Variants in ETV3 observed in about 807,000 individuals in gnomAD.
ETV3 encodes ETS variant transcription factor 3.
A neutral mutation model predicts 33.0 loss-of-function variants in ETV3; 8 were observed. That is an observed-to-expected ratio of 0.24 (90% CI 0.14 to 0.44). ETV3 has a LOEUF of 0.44. Ranked by LOEUF, ETV3 falls within the 20% of genes least tolerant of loss-of-function variation. The pLI is 1.00. For synonymous variants in ETV3, 222 were observed against 238.9 expected, an observed-to-expected ratio of 0.93 and a Z score of 0.65; for missense variants, 473 against 652.3, an observed-to-expected ratio of 0.73 and a Z score of 2.99.
intron 3 of ETV3, 25 bp downstream of exon 3, chr1:157,135,439 GTTAACAC>G: frequency 6.2e-7 from 1 of 1,612,240 alleles, no homozygotes; most frequent in Non-Finnish European, 8.5e-7. Context: ...CTTCCAATCT[GTTAACAC>G]AGATTTGGGA....
chr1:157,126,281 G>A (rs896258177), intron 4 of ETV3, among the ~76,000 whole-genome samples: 4 of 152,126 alleles, frequency 2.6e-5, no homozygotes, highest in African/African-American at 7.2e-5. Flanking sequence ...GTTCACAACT[G>A]TACACCTCAC....
chr1:157,134,559 G>A (rs976577323), intron 3 of ETV3, among the ~76,000 whole-genome samples: 1 of 152,216 alleles, frequency 6.6e-6, no homozygotes, highest in African/African-American at 2.4e-5. Flanking sequence ...TGCACTGCAT[G>A]TCACTAACTG....
At chr1:157,128,188 C>G (rs1322248822) in intron 4 of ETV3, among the ~76,000 whole-genome samples, 1 of 152,056 alleles carries the variant, frequency 6.6e-6, no homozygotes, top group East Asian at 1.9e-4. Flanking sequence ...CTGTAGCTTT[C>G]TGGGTGCATG....
intron 1 of ETV3, among the ~76,000 whole-genome samples, chr1:157,137,536 ACACAC>A (rs1675149402): frequency 1.5e-5 from 2 of 137,178 alleles, no homozygotes; most frequent in Admixed American, 1.5e-4. Context: ...ACACACACAC[ACACAC>A]TCTCACACAC....
intron 2 of ETV3, 115 bp from the exon 3 acceptor site, chr1:157,135,823 A>T: frequency 9.5e-7 from 1 of 1,052,138 alleles, no homozygotes; most frequent in Non-Finnish European, 1.4e-6. Context: ...AACATGCTGT[A>T]AGTACTCTCA....
At chr1:157,133,653 C>G in intron 4 of ETV3, 1 of 989,250 alleles carries the variant, frequency 1.0e-6, no homozygotes, top group Non-Finnish European at 1.2e-6. Context: ...GAACCTCCCC[C>G]TTCTCTGATC....
chr1:157,125,022 T>C lies in ETV3; in HGVS notation c.1358A>G (p.Asp453Gly), dbSNP rs1193127184. Residue 453 changes from aspartate (D) to glycine (G), a missense_variant, in exon 5 of 5, where the codon GAT (aspartate) becomes GGT (glycine). Physicochemically the swap from Asp to Gly is moderately conservative, Grantham distance 94. Transcript: ENST00000368192. The surrounding 1 kb of genome is among the most constrained non-coding windows in gnomAD (Gnocchi z 4.0). ...EPLEVTEDSE[D>G]RPGKEPSAPE... is the part of the protein sequence containing the mutation. Reference sequence around the variant, plus strand: ...TGCACTGGGCTCTTTGCCAGGCCTATCCTCACTGTCTTCAGTCACCTCCAG... The same window carrying C: ...TGCACTGGGCTCTTTGCCAGGCCTACCCTCACTGTCTTCAGTCACCTCCAG... 6.4e-7 allele frequency: 1 copy of C among 1,551,606 alleles called. No homozygotes were observed. The highest frequency in any genetic ancestry group is 2.0e-5 in the Admixed American group (1 of 50,978).
At position 157,123,192 on chromosome 1, in the gene ETV3, T is replaced by C. The variant is rs1398012457; in HGVS notation, c.*1649A>G. On this transcript the variant is annotated 3_prime_UTR_variant, in exon 5 of 5. Coordinates refer to ENST00000368192, the MANE Select transcript of ETV3 (RefSeq NM_001145312.3). ...CTCTCATCGGATATGGAGTGATTTC[T>C]TCTCTCGCTGCTGCGACGCAGATCT... The C allele has an allele frequency of 6.6e-6, 1 of 152,292 alleles. No homozygotes were observed. Among genetic ancestry groups the C allele is most frequent in the East Asian group, 1.9e-4 (1 of 5,194 alleles). 9.4% of individuals were successfully genotyped at this position (152,292 alleles called of 1,614,324 possible).
At chr1:157,137,474 G>C (rs890492512) in intron 1 of ETV3, among the ~76,000 whole-genome samples, 1 of 150,988 alleles carries the variant, frequency 6.6e-6, no homozygotes, top group African/African-American at 2.4e-5. Flanking sequence ...CCGAGGACAA[G>C]ATAAACACCC....
chr1:157,124,487 A>G lies in ETV3; in HGVS notation c.*354T>C. ...TTAATGGCTTTCCACATACAAATACAATAGAAAAGAAAGAAGTCTGGAACC... is the reference window on the plus strand; with the variant it reads ...TTAATGGCTTTCCACATACAAATACGATAGAAAAGAAAGAAGTCTGGAACC... On this transcript the variant is annotated 3_prime_UTR_variant, in exon 5 of 5. Transcript: ENST00000368192. 1 of 183,744 alleles carries G rather than the reference A, an allele frequency of 5.4e-6. No homozygotes were observed. Among genetic ancestry groups the G allele is most frequent in the Non-Finnish European group, 1.1e-5 (1 of 88,896 alleles). 11.4% of individuals were successfully genotyped at this position (183,744 alleles called of 1,614,324 possible).
rs1373116752 is a variant in ETV3 at position 157,124,586 on chromosome 1, A to C, written c.*255T>G. 2.7e-6 allele frequency: 1 copy of C among 367,102 alleles called. No homozygotes were observed. The highest frequency in any genetic ancestry group is 2.1e-5 in the African/African-American group (1 of 47,896). 22.7% of individuals were successfully genotyped at this position (367,102 alleles called of 1,614,324 possible). A position where few individuals can be genotyped will look rare whatever the true frequency, so the allele number is the denominator to read the frequency against. ...GTCAGAAAGTATAAGCCTCAACAGGAAATAGAGGCTCCTTCTCCTTTGAGT... is the reference window on the plus strand; with the variant it reads ...GTCAGAAAGTATAAGCCTCAACAGGCAATAGAGGCTCCTTCTCCTTTGAGT... On this transcript the variant is annotated 3_prime_UTR_variant, in exon 5 of 5. Transcript: ENST00000368192.
At chr1:157,132,538 G>A (rs1235650213) in intron 4 of ETV3, among the ~76,000 whole-genome samples, 1 of 152,194 alleles carries the variant, frequency 6.6e-6, no homozygotes, top group Non-Finnish European at 1.5e-5. Flanking sequence ...GGAGTGGGGT[G>A]AAGGGGTATG....
intron 1 of ETV3, among the ~76,000 whole-genome samples, chr1:157,137,259 G>A (rs1017776392): frequency 2.6e-5 from 4 of 152,030 alleles, no homozygotes; most frequent in Non-Finnish European, 5.9e-5. Context: ...ATCTACCCTC[G>A]CTGTTCCCCA....
Position 157,125,755 on chromosome 1 carries a change from C to G in ETV3, c.625G>C (p.Val209Leu). 2 of 1,551,592 alleles carry G rather than the reference C, an allele frequency of 1.3e-6. No homozygotes were observed. Among genetic ancestry groups the G allele is most frequent in the Non-Finnish European group, 1.7e-6 (2 of 1,146,954 alleles). The change falls in exon 5 of 5, where the codon GTG becomes CTG. Residue 209 changes from valine to leucine, a missense_variant. Val to Leu is a conservative substitution (Grantham distance 32). Around this residue, in one of 3 missense-constraint regions of ETV3, gnomAD observed 410 missense variants for 520.2 expected, o/e 0.79. Coordinates refer to ENST00000368192, the MANE Select transcript of ETV3 (RefSeq NM_001145312.3). This position sits in a 1 kb window ranked among gnomAD's most constrained non-coding sequence, Gnocchi z 4.0. ...AADWRRGVDPVSSRNAIGGGG... is the reference protein window; with the variant it reads ...AADWRRGVDPLSSRNAIGGGG... ...CCACCAATGGCATTCCTGGAGGACA[C>G]GGGATCCACACCCCGGCGCCAGTCA...
chr1:157,134,530 C>T (rs957688187), intron 3 of ETV3, among the ~76,000 whole-genome samples: 1 of 152,234 alleles, frequency 6.6e-6, no homozygotes, highest in Admixed American at 6.5e-5. Flanking sequence ...TTCGATTCTA[C>T]AGTCCATTTC....
At position 157,121,728 on chromosome 1, in the gene ETV3, C is replaced by T. The variant is rs148514553; in HGVS notation, c.*3113G>A. On this transcript the variant is annotated 3_prime_UTR_variant, in exon 5 of 5. Transcript: ENST00000368192. ...TAAATAAAAAACAAGGGACAAACAG[C>T]CAACTGACTCTACCCACTTGGTGAG... 1 of 152,168 alleles carries T rather than the reference C, an allele frequency of 6.6e-6. No homozygotes were observed. The highest frequency in any genetic ancestry group is 1.5e-5 in the Non-Finnish European group (1 of 68,036). The allele number at this position is 152,168 out of a possible 1,614,324, so 9.4% of individuals were successfully genotyped here. A position where few individuals can be genotyped will look rare whatever the true frequency, so the allele number is the denominator to read the frequency against.
rs1420561228 is a variant in ETV3 at position 157,136,187 on chromosome 1, C to A, written c.46+120G>T. 5 of 952,812 alleles carry A rather than the reference C, an allele frequency of 5.2e-6. No homozygotes were observed. In the African/African-American group the frequency reaches 6.6e-5, roughly 12 times the overall value. 59.0% of individuals were successfully genotyped at this position (952,812 alleles called of 1,614,324 possible). On this transcript the variant is annotated intron_variant, in intron 2 of 4. Transcript: ENST00000368192. ...AAGCCTACAACTGTCCTGCCAGTATCCACCTAGCCAAGAGAGTGTCAGTCA... is the reference window on the plus strand; with the variant it reads ...AAGCCTACAACTGTCCTGCCAGTATACACCTAGCCAAGAGAGTGTCAGTCA...
At chr1:157,137,831 T>C (rs1675158395) in intron 1 of ETV3, among the ~76,000 whole-genome samples, 2 of 152,026 alleles carry the variant, frequency 1.3e-5, no homozygotes, top group South Asian at 4.2e-4. Flanking sequence ...CCCATAAAAG[T>C]CCCTTTCCCA....
At chr1:157,134,780 G>A (rs1294856073) in intron 3 of ETV3, among the ~76,000 whole-genome samples, 1 of 152,234 alleles carries the variant, frequency 6.6e-6, no homozygotes, top group African/African-American at 2.4e-5. Flanking sequence ...GGATGTGAAA[G>A]AATACAGCAA....
Sources: allele counts gnomAD v4.1 joint callset (sites outside exome capture counted in the v4.1 genomes callset), GRCh38; gene constraint gnomAD v4.1.1; regional missense constraint gnomAD v4.1.1; non-coding constraint Gnocchi (gnomAD v3.1); transcripts MANE v1.5; gene names NCBI Gene and HGNC (gene_info 2026-07-23, HGNC 2026-07-21).